Variants in ZNF273 observed in about 807,000 individuals in gnomAD.
ZNF273 encodes zinc finger protein 9.
Under a neutral mutation model 14.9 loss-of-function variants are expected in ZNF273, and 11 were observed. The observed-to-expected ratio is 0.74, with a 90% CI of 0.46 to 1.22. ZNF273 has a LOEUF of 1.22. ZNF273 is among the 50% of genes most tolerant of loss of function. The pLI is 0.00. For missense variants in ZNF273, 577 were observed against 660.6 expected (o/e 0.87, Z 1.39); for synonymous variants, 199 against 223.9 (o/e 0.89, Z 0.99).
chr7:64,917,513 T>G lies in ZNF273; in HGVS notation c.103-68T>G. 5 of 1,554,382 alleles carry G rather than the reference T, an allele frequency of 3.2e-6. No individual in the cohort carries two copies. In the South Asian group the frequency reaches 3.3e-5, roughly 10 times the overall value. On this transcript the variant is annotated intron_variant, in intron 1 of 3. Coordinates refer to ENST00000476120, the MANE Select transcript of ZNF273 (RefSeq NM_021148.3). ...TTCTCTTTACTTTCGCATTCCACCT[T>G]GAGTCAAATTAAATATTCTGTCCAG...
chr7:64,882,586 C>T (rs1791297647), downstream of ZNF273: 1 of 152,336 alleles, frequency 6.6e-6, no homozygotes, highest in African/African-American at 2.4e-5. Context: ...GTCCCTGCGG[C>T]TTAGCGGAGA....
chr7:64,890,968 C>A (rs1267540320), downstream of ZNF273, among the ~76,000 whole-genome samples: 1 of 152,218 alleles, frequency 6.6e-6, no homozygotes, highest in Non-Finnish European at 1.5e-5. Context: ...ACCTGGAAAC[C>A]ATGAAGCTTT....
chr7:64,901,551 A>T (rs1190880100), upstream of ZNF273, among the ~76,000 whole-genome samples: 1 of 152,122 alleles, frequency 6.6e-6, no homozygotes, highest in Non-Finnish European at 1.5e-5. Flanking sequence ...CTTCTCATTG[A>T]TGTAGTCAGG....
chr7:64,883,615 C>G (rs1239347953), downstream of ZNF273, among the ~76,000 whole-genome samples: 2 of 152,208 alleles, frequency 1.3e-5, no homozygotes, highest in African/African-American at 4.8e-5. Context: ...CACCATGGCC[C>G]GGTGCCCAGG....
intron 1 of ZNF273, among the ~76,000 whole-genome samples, chr7:64,916,370 T>C (rs10243177): frequency 0.051 from 6,203 of 122,660 alleles, 258 homozygotes; most frequent in East Asian, 0.16. Flanking sequence ...ACTAAAAATG[T>C]AAAAAAAAAA....
downstream of ZNF273, chr7:64,879,863 C>G (rs1300670672): frequency 6.6e-6 from 1 of 152,218 alleles, no homozygotes; most frequent in Non-Finnish European, 1.5e-5. Flanking sequence ...GCCACGGAGA[C>G]AAACTAAGGA....
chr7:64,913,949 C>T (rs1793756320), intron 1 of ZNF273, among the ~76,000 whole-genome samples: 1 of 151,548 alleles, frequency 6.6e-6, no homozygotes, highest in Non-Finnish European at 1.5e-5. Flanking sequence ...GTTTAATGTT[C>T]TTGGTGGAAG....
rs1562959126 is a variant in ZNF273 at position 64,912,825 on chromosome 7, A to ATTTTTTTTTTT, written c.103-4756_103-4755insTTTTTTTTTTT. On this transcript the variant is annotated intron_variant, in intron 1 of 3. Coordinates refer to ENST00000476120, the MANE Select transcript of ZNF273 (RefSeq NM_021148.3). ...TTCTTTTTGACTCAGGATTCATTTT[A>ATTTTTTTTTTT]GTTTTTTTTTTTTTTTTTTTTGAGA... Among the ~76,000 whole-genome samples, 20 of 16,834 alleles carry ATTTTTTTTTTT rather than the reference A, an allele frequency of 1.2e-3. No individual in the cohort carries two copies. In the South Asian group the frequency reaches 0.018, roughly 15 times the overall value. 11.0% of individuals were successfully genotyped at this position (16,834 alleles called of 152,430 possible). A position where few individuals can be genotyped will look rare whatever the true frequency, so the allele number is the denominator to read the frequency against.
chr7:64,921,637 T>TTTTTTTTTTTTTTTTTTTTTTTG (rs750737426), intron 3 of ZNF273, among the ~76,000 whole-genome samples: 2 of 29,578 alleles, frequency 6.8e-5, no homozygotes, highest in African/African-American at 3.1e-4. Context: ...TTTTTTTTTT[T>TTTTTTTTTTTTTTTTTTTTTTTG]GTGTGTGAGA....
chr7:64,924,803 ATT>A (rs34906700), intron 3 of ZNF273, among the ~76,000 whole-genome samples: 6 of 145,066 alleles, frequency 4.1e-5, no homozygotes, highest in Non-Finnish European at 6.0e-5. Context: ...GATTTTTCAA[ATT>A]TTTTTTTTTT....
At chr7:64,912,841 T>TTTTTTTTTTTTTTTTTTTTTTTG (rs1793659077) in intron 1 of ZNF273, among the ~76,000 whole-genome samples, 1 of 121,504 alleles carries the variant, frequency 8.2e-6, no homozygotes, top group African/African-American at 2.8e-5. Context: ...TTTTTTTTTT[T>TTTTTTTTTTTTTTTTTTTTTTTG]TTTTTGAGAT....
chr7:64,891,651 G>A (rs968287749), downstream of ZNF273, among the ~76,000 whole-genome samples: 6 of 152,154 alleles, frequency 3.9e-5, no homozygotes, highest in Admixed American at 6.5e-5. Flanking sequence ...GCTTCAAGTG[G>A]GTAGGGAAGA....
chr7:64,929,207 CAT>C lies in ZNF273; in HGVS notation c.*172_*173del. ...AATGGAAAAGTCATTAATATCTGCT[CAT>C]ATCTTAACATCAGCGAGTTGGTATT... On this transcript the variant is annotated 3_prime_UTR_variant, in exon 4 of 4. Transcript: ENST00000476120. The C allele has an allele frequency of 2.5e-6, 1 of 403,314 alleles. No homozygotes were observed. The highest frequency in any genetic ancestry group is 4.1e-6 in the Non-Finnish European group (1 of 241,224). The allele number at this position is 403,314 out of a possible 1,614,324, so 25.0% of individuals were successfully genotyped here. A position where few individuals can be genotyped will look rare whatever the true frequency, so the allele number is the denominator to read the frequency against.
chr7:64,903,463 G>A, intron 1 of ZNF273, 44 bp downstream of exon 1: 1 of 1,553,158 alleles, frequency 6.4e-7, no homozygotes, highest in African/African-American at 1.4e-5. Context: ...GGGAGGGCCT[G>A]GTTGGAACTG....
chr7:64,918,821 T>A (rs1194375834), intron 3 of ZNF273, among the ~76,000 whole-genome samples: 3 of 152,100 alleles, frequency 2.0e-5, no homozygotes, highest in Non-Finnish European at 4.4e-5. Context: ...TTCCCTTCAG[T>A]GATTTTCCTT....
exon 4 of ZNF273, chr7:64,897,776 C>G (rs1289225087): frequency 6.9e-6 from 1 of 145,954 alleles, no homozygotes; most frequent in Non-Finnish European, 1.5e-5. Context: ...TGCAGTGGCA[C>G]GGTCTCTGCT....
Position 64,912,826 on chromosome 7 carries a change from G to GTTTTTTGTTT in ZNF273, c.103-4749_103-4748insGTTTTTTTTT. ...TCTTTTTGACTCAGGATTCATTTTAGTTTTTTTTTTTTTTTTTTTTGAGAT... is the reference window on the plus strand; with the variant it reads ...TCTTTTTGACTCAGGATTCATTTTAGTTTTTTGTTTTTTTTTTTTTTTTTTTTTTTGAGAT... On this transcript the variant is annotated intron_variant, in intron 1 of 3. Transcript: ENST00000476120. Among the ~76,000 whole-genome samples the GTTTTTTGTTT allele has an allele frequency of 5.2e-4, 19 of 36,574 alleles. 3 individuals are homozygous for GTTTTTTGTTT. The East Asian group carries it at 6.8e-3, about 13-fold the overall frequency. 24.0% of individuals were successfully genotyped at this position (36,574 alleles called of 152,430 possible). A position where few individuals can be genotyped will look rare whatever the true frequency, so the allele number is the denominator to read the frequency against.
downstream of ZNF273, chr7:64,888,892 T>C: frequency 1.0e-6 from 1 of 985,122 alleles, no homozygotes. Context: ...ACGGAGGCCC[T>C]GAGTGCCAGA....
intron 3 of ZNF273, among the ~76,000 whole-genome samples, chr7:64,919,010 T>C (rs1794234946): frequency 6.6e-6 from 1 of 152,200 alleles, no homozygotes; most frequent in South Asian, 2.1e-4. Context: ...GAGTAGTTTA[T>C]ATTACATTGG....
Sources: allele counts gnomAD v4.1 joint callset (sites outside exome capture counted in the v4.1 genomes callset), GRCh38; gene constraint gnomAD v4.1.1; transcripts MANE v1.5; gene names NCBI Gene and HGNC (gene_info 2026-07-23, HGNC 2026-07-21).